ZC3H14: variants seen among roughly 807,000 people sequenced by gnomAD.
ZC3H14 encodes zinc finger CCCH-type containing 14, also known as zinc finger CCCH domain-containing protein 14.
A neutral mutation model predicts 92.4 loss-of-function variants in ZC3H14; 31 were observed. The ratio of observed to expected loss-of-function variants is 0.34; its 90% CI spans 0.25 to 0.45. The LOEUF (loss-of-function observed/expected upper bound fraction) is 0.45. Among genes scored for constraint, ZC3H14 ranks in the 20% least tolerant of loss-of-function variants. ZC3H14 has a pLI of 1.00. For synonymous variants in ZC3H14, 321 were observed against 300.9 expected, an observed-to-expected ratio of 1.07 and a Z score of -0.69; for missense variants, 781 against 897.3, an observed-to-expected ratio of 0.87 and a Z score of 1.66.
chr14:88,621,412 G>C lies in ZC3H14; in HGVS notation c.*9661G>C. The C allele has an allele frequency of 2.3e-6, 3 of 1,289,120 alleles. No individual in the cohort carries two copies. The highest frequency in any genetic ancestry group is 3.3e-6 in the Non-Finnish European group (3 of 909,284). The allele number at this position is 1,289,120 out of a possible 1,614,324, so 79.9% of individuals were successfully genotyped here. A position where few individuals can be genotyped will look rare whatever the true frequency, so the allele number is the denominator to read the frequency against. On this transcript the variant is annotated 3_prime_UTR_variant, in exon 17 of 17. Transcript: ENST00000251038. ...GCTTTCAGAGAACTTTTTGCTTTGA[G>C]CTAATCTAGTAGCAAGGCAGTCATT...
In ZC3H14 at chr14:88,627,104, A is replaced by G. The variant is rs888438837; in HGVS notation, c.*15353A>G. 1 of 1,545,650 alleles carries G rather than the reference A, an allele frequency of 6.5e-7. No homozygotes were observed. Among genetic ancestry groups the G allele is most frequent in the African/African-American group, 1.4e-5 (1 of 73,560 alleles). On this transcript the variant is annotated 3_prime_UTR_variant, in exon 17 of 17. Transcript: ENST00000251038. ...TACAAGAACCAAGCTAATCAACAGC[A>G]TCAAACAAATATGTAAAATACATAG... is the stretch of plus-strand genomic sequence containing the variant.
At chr14:88,593,486 C>G (rs1566947996) in intron 9 of ZC3H14, among the ~76,000 whole-genome samples, 1 of 152,128 alleles carries the variant, frequency 6.6e-6, no homozygotes, top group Non-Finnish European at 1.5e-5. Context: ...TACTACAAAG[C>G]TAGAGTAATG....
intron 10 of ZC3H14, 64 bp downstream of exon 10, chr14:88,596,872 C>A: frequency 7.5e-7 from 1 of 1,336,358 alleles, no homozygotes; most frequent in Non-Finnish European, 1.1e-6. Flanking sequence ...ATTTCTTACA[C>A]CCCATTTAAC....
At chr14:88,570,084 CT>C (rs1267555669) in intron 3 of ZC3H14, among the ~76,000 whole-genome samples, 3 of 152,138 alleles carry the variant, frequency 2.0e-5, no homozygotes, top group Admixed American at 6.5e-5. Flanking sequence ...TTAAAACAGA[CT>C]ACCAAATGAA....
At chr14:88,592,130 G>T (rs2139919014) in intron 9 of ZC3H14, 1 of 152,216 alleles carries the variant, frequency 6.6e-6, no homozygotes, top group East Asian at 1.9e-4. Flanking sequence ...CCATCAGATG[G>T]GCTCTTGTTT....
At chr14:88,573,055 C>T in intron 6 of ZC3H14, 48 bp downstream of exon 6, 2 of 1,591,374 alleles carry the variant, frequency 1.3e-6, no homozygotes, top group Non-Finnish European at 1.7e-6. Flanking sequence ...ATCGGCAGTT[C>T]TTGATACCAA....
chr14:88,568,954 T>C (rs2080048459), intron 3 of ZC3H14, among the ~76,000 whole-genome samples: 1 of 152,096 alleles, frequency 6.6e-6, no homozygotes, highest in Non-Finnish European at 1.5e-5. Context: ...CAATCATGGC[T>C]CGCTGCAGCC....
At chr14:88,576,001 G>T in intron 8 of ZC3H14, 61 bp downstream of exon 8, 1 of 1,368,204 alleles carries the variant, frequency 7.3e-7, no homozygotes, top group Non-Finnish European at 1.0e-6. Flanking sequence ...TGAGTAAGGT[G>T]AAAATGATTG....
rs548144981 is a variant in ZC3H14 at position 88,625,423 on chromosome 14, G to A, written c.*13672G>A. The A allele has an allele frequency of 3.0e-5, 7 of 236,640 alleles. No individual in the cohort carries two copies. The highest frequency in any genetic ancestry group is 1.1e-4 in the Admixed American group (2 of 18,520). 14.7% of individuals were successfully genotyped at this position (236,640 alleles called of 1,614,324 possible). A position where few individuals can be genotyped will look rare whatever the true frequency, so the allele number is the denominator to read the frequency against. On this transcript the variant is annotated 3_prime_UTR_variant, in exon 17 of 17. Transcript: ENST00000251038. ...GGTTTATTTTTTATTTTTTTGAGACGGAGTTTCGCTCTTTGTTGCCCAGGC... is the reference window on the plus strand; with the variant it reads ...GGTTTATTTTTTATTTTTTTGAGACAGAGTTTCGCTCTTTGTTGCCCAGGC...
chr14:88,571,086 T>G lies in ZC3H14; in HGVS notation c.197T>G (p.Leu66Arg). Residue 66 changes from leucine to arginine, a missense_variant and splice_region_variant, in exon 4 of 17, where the codon CTT (leucine) becomes CGT (arginine). Physicochemically the swap from Leu to Arg is moderately radical, Grantham distance 102 (BLOSUM62 -2). This residue lies in a region of ZC3H14 where 106 missense variants were observed against 154.2 expected (regional missense o/e 0.69). Coordinates refer to ENST00000251038, the MANE Select transcript of ZC3H14 (RefSeq NM_024824.5). Reference sequence around the variant, plus strand: ...TTGTTTTTTGTTTTTTTCCTCAGGCTTCATGGTGTATTAGATAAACTTCGC... The same window carrying G: ...TTGTTTTTTGTTTTTTTCCTCAGGCGTCATGGTGTATTAGATAAACTTCGC... ...GNNTIRFTVWLHGVLDKLRSV... is the reference protein window; with the variant it reads ...GNNTIRFTVWRHGVLDKLRSV... The G allele has an allele frequency of 1.9e-6, 3 of 1,562,896 alleles. No homozygotes were observed. Among genetic ancestry groups the G allele is most frequent in the Non-Finnish European group, 2.6e-6 (3 of 1,153,352 alleles).
intron 2 of ZC3H14, among the ~76,000 whole-genome samples, chr14:88,565,151 TA>T (rs1295040865): frequency 1.3e-5 from 2 of 152,134 alleles, no homozygotes; most frequent in African/African-American, 4.8e-5. Flanking sequence ...TTATTATTAT[TA>T]TTTTTTTTGA....
At chr14:88,568,283 C>G in intron 3 of ZC3H14, 130 bp downstream of exon 3, 1 of 741,582 alleles carries the variant, frequency 1.3e-6, no homozygotes, top group Admixed American at 2.0e-5. Context: ...GTGATGAGAG[C>G]ACAGCCTCTG....
chr14:88,585,637 G>T (rs1244529996), intron 9 of ZC3H14, among the ~76,000 whole-genome samples: 1 of 151,978 alleles, frequency 6.6e-6, no homozygotes, highest in South Asian at 2.1e-4. Flanking sequence ...TTATCTGCCC[G>T]CTTCAGCCTC....
At chr14:88,587,075 A>G (rs1176293635) in intron 9 of ZC3H14, among the ~76,000 whole-genome samples, 1 of 152,136 alleles carries the variant, frequency 6.6e-6, no homozygotes, top group Non-Finnish European at 1.5e-5. Context: ...TTTATTGGTT[A>G]CTTTAGTAAT....
rs747813859 is a variant in ZC3H14, at chr14:88,625,122, G to C, written c.*13371G>C. 9 of 1,613,332 alleles carry C rather than the reference G, an allele frequency of 5.6e-6. No homozygotes were observed. The highest frequency in any genetic ancestry group is 4.5e-5 in the East Asian group (2 of 44,894). ...CACTGATGGTACCTGTAAACGTCAA[G>C]TTATTCTGAAAAGGAGTGGGGGAGG... is the stretch of plus-strand genomic sequence containing the variant. On this transcript the variant is annotated 3_prime_UTR_variant, in exon 17 of 17. Transcript: ENST00000251038.
intron 9 of ZC3H14, 34 bp from the exon 10 acceptor site, chr14:88,596,700 T>C (rs752051550): frequency 3.8e-6 from 6 of 1,584,978 alleles, no homozygotes; most frequent in Non-Finnish European, 3.5e-6. Context: ...GTCTGTGTTG[T>C]AAGCTTAGTG....
chr14:88,606,587 TG>T (rs926727442), intron 12 of ZC3H14, among the ~76,000 whole-genome samples: 20 of 151,920 alleles, frequency 1.3e-4, no homozygotes, highest in African/African-American at 4.3e-4. Flanking sequence ...CTGGGCAACG[TG>T]GGGAAACCCT....
At chr14:88,582,166 T>C (rs980316099) in intron 9 of ZC3H14, among the ~76,000 whole-genome samples, 1 of 152,252 alleles carries the variant, frequency 6.6e-6, no homozygotes, top group Non-Finnish European at 1.5e-5. Context: ...TGATTTCAGC[T>C]GATAAGAGAA....
intron 2 of ZC3H14, among the ~76,000 whole-genome samples, chr14:88,565,019 CAT>C (rs1467430850): frequency 3.9e-5 from 6 of 152,162 alleles, no homozygotes; most frequent in African/African-American, 9.7e-5. Flanking sequence ...TTGCCAATCA[CAT>C]GTGAGCTTTC....
Sources: allele counts gnomAD v4.1 joint callset (sites outside exome capture counted in the v4.1 genomes callset), GRCh38; gene constraint gnomAD v4.1.1; regional missense constraint gnomAD v4.1.1; transcripts MANE v1.5; gene names NCBI Gene and HGNC (gene_info 2026-07-23, HGNC 2026-07-21).